Variants in BABAM2 observed in about 807,000 individuals in gnomAD.
BABAM2 encodes the protein BRISC and BRCA1 A complex member 2, also known as BRISC and BRCA1-A complex member 2.
In BABAM2, 31 loss-of-function variants were observed where a neutral mutation model predicts 54.7. The observed-to-expected ratio is 0.57, with a 90% CI of 0.43 to 0.77. The LOEUF is 0.77. Among genes scored for constraint, BABAM2 ranks in the 30% least tolerant of loss-of-function variants. The pLI, the probability that BABAM2 is intolerant of heterozygous loss-of-function variation, is 0.00. For synonymous variants in BABAM2, 167 were observed against 162.9 expected (o/e 1.03, Z -0.19); for missense variants, 364 against 455.8 (o/e 0.80, Z 1.83).
chr2:28,158,864 C>T (rs981536788), intron 7 of BABAM2, among the ~76,000 whole-genome samples: 2 of 152,114 alleles, frequency 1.3e-5, no homozygotes, highest in Admixed American at 6.5e-5. Context: ...AATTTTTGTT[C>T]ATTCTCATTA....
chr2:28,097,904 C>T (rs1666761503), intron 6 of BABAM2, among the ~76,000 whole-genome samples: 1 of 152,160 alleles, frequency 6.6e-6, no homozygotes, highest in Non-Finnish European at 1.5e-5. Flanking sequence ...GTCGTGTCCA[C>T]CCTTTCATCT....
intron 4 of BABAM2, among the ~76,000 whole-genome samples, chr2:28,009,995 G>T (rs1021214585): frequency 6.6e-6 from 1 of 152,292 alleles, no homozygotes; most frequent in Non-Finnish European, 1.5e-5. Context: ...TGTGAAGCCA[G>T]TGAAGGCCTC....
chr2:28,237,401 C>A, intron 8 of BABAM2, 100 bp downstream of exon 8: 1 of 1,067,316 alleles, frequency 9.4e-7, no homozygotes, highest in Non-Finnish European at 1.4e-6. Flanking sequence ...CTCGGACCGA[C>A]TGCTCAGTTT....
At chr2:27,919,257 T>C (rs1203368497) in intron 2 of BABAM2, among the ~76,000 whole-genome samples, 3 of 152,244 alleles carry the variant, frequency 2.0e-5, no homozygotes, top group African/African-American at 7.2e-5. Flanking sequence ...CAATAGTGCA[T>C]ATGAACATTT....
chr2:27,904,111 G>C (rs1028258422), intron 2 of BABAM2, among the ~76,000 whole-genome samples: 3 of 152,164 alleles, frequency 2.0e-5, no homozygotes, highest in Non-Finnish European at 4.4e-5. Context: ...AGAGGGATGA[G>C]TCATGTCCTA....
intron 2 of BABAM2, among the ~76,000 whole-genome samples, chr2:27,914,247 G>A (rs1459090835): frequency 6.6e-6 from 1 of 152,002 alleles, no homozygotes; most frequent in Non-Finnish European, 1.5e-5. Context: ...CAGCTCCCTG[G>A]GCAGCTAATA....
chr2:28,241,502 C>A (rs1489480723), intron 9 of BABAM2, 109 bp downstream of exon 9: 1 of 812,622 alleles, frequency 1.2e-6, no homozygotes. Context: ...CACATGATAC[C>A]TTTTTTTTTT....
chr2:28,295,586 C>G (rs72786725), intron 10 of BABAM2, among the ~76,000 whole-genome samples: 4 of 152,186 alleles, frequency 2.6e-5, no homozygotes, highest in South Asian at 4.1e-4. Context: ...ACATCTCTCT[C>G]CAGAGTTCAA....
chr2:28,308,547 C>T (rs942358075), intron 11 of BABAM2: 13 of 492,908 alleles, frequency 2.6e-5, no homozygotes, highest in African/African-American at 2.6e-4. Flanking sequence ...CCTGATCAGG[C>T]CTGATGGAGA....
intron 10 of BABAM2, among the ~76,000 whole-genome samples, chr2:28,270,817 G>A (rs1685362598): frequency 6.6e-6 from 1 of 152,174 alleles, no homozygotes; most frequent in Non-Finnish European, 1.5e-5. Context: ...TCCCACAGGT[G>A]GTAAATGCAG....
rs531852080 is a variant in BABAM2 at position 28,307,403 on chromosome 2, G to GT, written c.1088+8924dup. ...CTTTCTATTCATATTTTTGGTTTGG[G>GT]TTTTTTTTTTTTATTCCTTTGTCCT... On this transcript the variant is annotated intron_variant, in intron 11 of 11. Coordinates refer to ENST00000379624, the MANE Select transcript of BABAM2 (RefSeq NM_199191.3). 1.6e-3 allele frequency among the ~76,000 whole-genome samples: 222 copies of GT among 142,350 alleles called. 1 individual carries two copies. Among genetic ancestry groups the GT allele is most frequent in the Middle Eastern group, 3.6e-3 (1 of 280 alleles). 93.4% of individuals were successfully genotyped at this position (142,350 alleles called of 152,430 possible).
chr2:28,243,550 A>T (rs958603163), intron 9 of BABAM2, among the ~76,000 whole-genome samples: 1 of 150,826 alleles, frequency 6.6e-6, no homozygotes, highest in Admixed American at 6.6e-5. Context: ...TTAAAAATTA[A>T]AAAAAAATTA....
At chr2:27,956,777 A>G (rs1221131801) in intron 3 of BABAM2, among the ~76,000 whole-genome samples, 1 of 152,220 alleles carries the variant, frequency 6.6e-6, no homozygotes, top group Non-Finnish European at 1.5e-5. Flanking sequence ...AAAAAGAATC[A>G]CAAAAGTAGT....
At chr2:28,046,019 A>G (rs1677533109) in intron 6 of BABAM2, among the ~76,000 whole-genome samples, 1 of 152,242 alleles carries the variant, frequency 6.6e-6, no homozygotes, top group Non-Finnish European at 1.5e-5. Context: ...TTAAAATAAA[A>G]TTATTATAAG....
At chr2:28,216,662 T>C (rs1474471768) in intron 7 of BABAM2, among the ~76,000 whole-genome samples, 2 of 152,234 alleles carry the variant, frequency 1.3e-5, no homozygotes, top group Admixed American at 1.3e-4. Context: ...TTCTACCTTA[T>C]GCACTCACAA....
At chr2:27,930,869 A>T (rs1229790701) in intron 3 of BABAM2, among the ~76,000 whole-genome samples, 1 of 152,142 alleles carries the variant, frequency 6.6e-6, no homozygotes. Context: ...TCTCTCTTGA[A>T]CCTATTCTTG....
intron 6 of BABAM2, among the ~76,000 whole-genome samples, chr2:28,087,543 G>A (rs188636214): frequency 1.6e-4 from 24 of 152,188 alleles, no homozygotes; most frequent in East Asian, 1.5e-3. Flanking sequence ...CGTACGAGGG[G>A]TTCTCACCGT....
intron 2 of BABAM2, among the ~76,000 whole-genome samples, chr2:27,902,292 G>T (rs113040910): frequency 1.2e-4 from 19 of 152,286 alleles, no homozygotes; most frequent in African/African-American, 4.3e-4. Flanking sequence ...CTCAAAATGT[G>T]TCACAGTAAG....
intron 11 of BABAM2, among the ~76,000 whole-genome samples, chr2:28,336,154 T>C (rs1378589135): frequency 6.6e-6 from 1 of 152,094 alleles, no homozygotes; most frequent in Non-Finnish European, 1.5e-5. Context: ...AGGCCTCATG[T>C]CCAGGGGAGA....
Sources: allele counts gnomAD v4.1 joint callset (sites outside exome capture counted in the v4.1 genomes callset), GRCh38; gene constraint gnomAD v4.1.1; transcripts MANE v1.5; gene names NCBI Gene and HGNC (gene_info 2026-07-23, HGNC 2026-07-21).